The following GRM4 variants were observed in gnomAD, a reference collection of about 807,000 sequenced individuals.
The protein encoded by GRM4 is metabotropic glutamate receptor 4.
In GRM4, 28 loss-of-function variants were observed where a neutral mutation model predicts 81.7. That is an observed-to-expected ratio of 0.34 (90% confidence interval 0.25 to 0.47). The LOEUF (loss-of-function observed/expected upper bound fraction) is 0.47. GRM4 is among the 20% of genes least tolerant of loss of function. GRM4 has a pLI of 1.00. For synonymous variants in GRM4, 488 were observed against 528.8 expected (o/e 0.92, Z 1.06); for missense variants, 948 against 1,290.0 (o/e 0.73, Z 4.06).
chr6:34,091,568 C>G (rs977508260), intron 3 of GRM4: 13 of 354,440 alleles, frequency 3.7e-5, no homozygotes, highest in South Asian at 2.1e-4. Flanking sequence ...GGCCCCTCGT[C>G]CCCACCCCAT....
intron 10 of GRM4, 27 bp downstream of exon 10, chr6:34,028,093 G>C (rs762049011): frequency 1.3e-6 from 2 of 1,595,634 alleles, no homozygotes; most frequent in Admixed American, 3.4e-5. Flanking sequence ...TGGGGCCCGA[G>C]AGGGCAGAAC....
At chr6:34,095,056 G>A (rs543900420) in intron 2 of GRM4, among the ~76,000 whole-genome samples, 74 of 152,324 alleles carry the variant, frequency 4.9e-4, no homozygotes, top group African/African-American at 1.6e-3. Context: ...CCTGGCCCAC[G>A]GCACACACTG....
chr6:34,142,825 G>C (rs1186248778), intron 1 of GRM4, among the ~76,000 whole-genome samples: 1 of 152,174 alleles, frequency 6.6e-6, no homozygotes, highest in Non-Finnish European at 1.5e-5. Context: ...GGAGGGAGGA[G>C]GGGGGGAGGA....
intron 6 of GRM4, among the ~76,000 whole-genome samples, chr6:34,046,253 C>T (rs998433805): frequency 6.6e-6 from 1 of 152,180 alleles, no homozygotes; most frequent in Non-Finnish European, 1.5e-5. Flanking sequence ...AATACACAAA[C>T]CTTCATGCAT....
Position 34,080,514 on chromosome 6 carries a change from TCTG to T in GRM4, c.736+11366_736+11368del, listed in dbSNP as rs1372966220. Among the ~76,000 whole-genome samples the T allele has an allele frequency of 6.6e-6, 1 of 152,154 alleles. No individual in the cohort carries two copies. Among genetic ancestry groups the T allele is most frequent in the East Asian group, 1.9e-4 (1 of 5,190 alleles). On this transcript the variant is annotated intron_variant, in intron 3 of 10. Coordinates refer to ENST00000538487, the MANE Select transcript of GRM4 (RefSeq NM_000841.4). This position sits in a 1 kb window ranked among gnomAD's most constrained non-coding sequence, Gnocchi z 5.4. ...TAGTCAGTGCTCAATAAATATTCAT[TCTG>T]CAGATGAATAAATTACTGTGGAGGA...
intron 3 of GRM4, among the ~76,000 whole-genome samples, chr6:34,075,432 C>T (rs368544500): frequency 2.6e-5 from 4 of 152,202 alleles, no homozygotes; most frequent in African/African-American, 9.7e-5. Flanking sequence ...GCCCTTCTCA[C>T]GTCTCTATCT....
Position 34,034,888 on chromosome 6 carries a change from C to T in GRM4, c.2442+780G>A, listed in dbSNP as rs1764610937. 6.6e-6 allele frequency among the ~76,000 whole-genome samples: 1 copy of T among 152,168 alleles called. No individual in the cohort carries two copies. On this transcript the variant is annotated intron_variant, in intron 9 of 10. Transcript: ENST00000538487. This position sits in a 1 kb window ranked among gnomAD's most constrained non-coding sequence, Gnocchi z 4.0. ...TAACACCCCCGAGTCACCCAGCCAG[C>T]ACCAGGACTGGGATGTGGGCCGAGC...
chr6:34,137,819 C>T (rs946700407), intron 1 of GRM4, among the ~76,000 whole-genome samples: 20 of 143,390 alleles, frequency 1.4e-4, no homozygotes, highest in African/African-American at 5.0e-4. Flanking sequence ...TGGTCTCGAA[C>T]TCCTGAGCTC....
chr6:34,071,120 C>T (rs1331059047), intron 3 of GRM4, among the ~76,000 whole-genome samples: 3 of 151,786 alleles, frequency 2.0e-5, no homozygotes, highest in Non-Finnish European at 2.9e-5. Flanking sequence ...AACCCGGGCA[C>T]GCAAGTCATG....
chr6:34,138,677 G>A (rs2029459), intron 1 of GRM4, among the ~76,000 whole-genome samples: 74,428 of 152,002 alleles, frequency 0.49, 19,367 homozygotes, highest in Admixed American at 0.59. Context: ...GCTGCACTGT[G>A]CGACTCGCAG....
At chr6:34,025,230 C>A in intron 10 of GRM4, among the ~76,000 whole-genome samples, 1 of 152,138 alleles carries the variant, frequency 6.6e-6, no homozygotes, top group African/African-American at 2.4e-5. Context: ...CCCATTCTAT[C>A]CCCCATGGTC....
In GRM4 at chr6:34,080,442, C is replaced by T. The variant is rs1324323630; in HGVS notation, c.736+11441G>A. ...CCCACAAGGCCAGGAGCTTCATCTGCTTAGTCCACGGCCGTACCCCAGTGT... is the reference window on the plus strand; with the variant it reads ...CCCACAAGGCCAGGAGCTTCATCTGTTTAGTCCACGGCCGTACCCCAGTGT... On this transcript the variant is annotated intron_variant, in intron 3 of 10. Coordinates refer to ENST00000538487, the MANE Select transcript of GRM4 (RefSeq NM_000841.4). The surrounding 1 kb of genome is among the most constrained non-coding windows in gnomAD (Gnocchi z 5.4). Among the ~76,000 whole-genome samples, 1 of 152,238 alleles carries T rather than the reference C, an allele frequency of 6.6e-6. No individual in the cohort carries two copies.
rs77291562 is a variant in GRM4 at position 34,118,778 on chromosome 6, T to C, written c.519+14200A>G. Among the ~76,000 whole-genome samples the C allele has an allele frequency of 8.3e-3, 1,265 of 152,330 alleles. 11 individuals carry two copies. Among genetic ancestry groups the C allele is most frequent in the African/African-American group, 0.028 (1,184 of 41,570 alleles). ...AGGTGCACATAAAATATGCATTTTT[T>C]AATTGAACTGGAAAGCAAACAAAAG... is the stretch of plus-strand genomic sequence containing the variant. On this transcript the variant is annotated intron_variant, in intron 2 of 10. Transcript: ENST00000538487.
rs1216749324 is a variant in GRM4 at position 34,036,287 on chromosome 6, G to A, written c.1823C>T (p.Thr608Ile). The change falls in exon 9 of 11, where the codon ACC becomes ATC. Residue 608 changes from threonine to isoleucine, a missense_variant. Physicochemically the swap from Thr to Ile is moderately conservative, Grantham distance 89. Coordinates refer to ENST00000538487, the MANE Select transcript of GRM4 (RefSeq NM_000841.4). This position sits in a 1 kb window ranked among gnomAD's most constrained non-coding sequence, Gnocchi z 9.0. ...GIAATLFVVI[T>I]FVRYNDTPIV... ...GGGCGTGTCGTTGTAGCGCACAAAG[G>A]TGATCACCACGAACAACGTGGCAGC... is the stretch of plus-strand genomic sequence containing the variant. 1 of 1,614,082 alleles carries A rather than the reference G, an allele frequency of 6.2e-7. No homozygotes were observed. The highest frequency in any genetic ancestry group is 1.3e-5 in the African/African-American group (1 of 74,932).
At chr6:34,032,540 C>G (rs1764489181) in intron 9 of GRM4, among the ~76,000 whole-genome samples, 1 of 152,206 alleles carries the variant, frequency 6.6e-6, no homozygotes, top group African/African-American at 2.4e-5. Flanking sequence ...TTCAGAGGCC[C>G]AGAGTGGGAG....
rs1763956446 is a variant in GRM4, at chr6:34,022,896, C to T, written c.2690-26G>A. ...CTGGAAGGAGAGAGACCAGGGGTAC[C>T]CAGGAGTCAGGGGCTGCTTTTCTCA... On this transcript the variant is annotated intron_variant, in intron 10 of 10. Transcript: ENST00000538487. This position sits in a 1 kb window ranked among gnomAD's most constrained non-coding sequence, Gnocchi z 5.6. 6.2e-7 allele frequency: 1 copy of T among 1,604,466 alleles called. No individual in the cohort carries two copies. Among genetic ancestry groups the T allele is most frequent in the African/African-American group, 1.3e-5 (1 of 74,730 alleles).
chr6:34,111,136 CACACACA>C lies in GRM4; in HGVS notation c.520-19044_520-19038del. 6.1e-6 allele frequency: 1 copy of C among 164,108 alleles called. No individual in the cohort carries two copies. The allele number at this position is 164,108 out of a possible 1,614,324, so 10.2% of individuals were successfully genotyped here. A position where few individuals can be genotyped will look rare whatever the true frequency, so the allele number is the denominator to read the frequency against. ...ACATACACACACACACACACACACA[CACACACA>C]CACACACACACGCCAGGATCCAACC... On this transcript the variant is annotated intron_variant, in intron 2 of 10. Coordinates refer to ENST00000538487, the MANE Select transcript of GRM4 (RefSeq NM_000841.4). This position sits in a 1 kb window ranked among gnomAD's most constrained non-coding sequence, Gnocchi z 5.1.
In GRM4 at chr6:34,115,563, C is replaced by G. The variant is rs541683115; in HGVS notation, c.519+17415G>C. On this transcript the variant is annotated intron_variant, in intron 2 of 10. Coordinates refer to ENST00000538487, the MANE Select transcript of GRM4 (RefSeq NM_000841.4). This position sits in a 1 kb window ranked among gnomAD's most constrained non-coding sequence, Gnocchi z 4.1. ...GGACAGCAGCCTCCAGGGGTCTGCC[C>G]GAAGACACTCGGCAAACCTTTCAGG... 9.2e-5 allele frequency among the ~76,000 whole-genome samples: 14 copies of G among 152,110 alleles called. No homozygotes were observed. Among genetic ancestry groups the G allele is most frequent in the Non-Finnish European group, 1.5e-4 (10 of 68,016 alleles).
At chr6:34,088,577 C>T (rs1311311558) in intron 3 of GRM4, among the ~76,000 whole-genome samples, 1 of 152,154 alleles carries the variant, frequency 6.6e-6, no homozygotes, top group Admixed American at 6.5e-5. Context: ...AAGCACCTGC[C>T]GCCGCTTCTG....
Sources: allele counts gnomAD v4.1 joint callset (sites outside exome capture counted in the v4.1 genomes callset), GRCh38; gene constraint gnomAD v4.1.1; non-coding constraint Gnocchi (gnomAD v3.1); transcripts MANE v1.5; gene names NCBI Gene and HGNC (gene_info 2026-07-23, HGNC 2026-07-21).